EFNA5: variants seen among roughly 807,000 people sequenced by gnomAD.
EFNA5 encodes ephrin-A5.
Under a neutral mutation model 22.9 loss-of-function variants are expected in EFNA5, and 5 were observed. The observed-to-expected ratio is 0.22, with a 90% CI of 0.11 to 0.46. EFNA5 has a LOEUF of 0.46. EFNA5 is among the 20% of genes least tolerant of loss of function. EFNA5 has a pLI of 0.99. For synonymous variants in EFNA5, 113 were observed against 112.2 expected (o/e 1.01, Z -0.04); for missense variants, 237 against 293.3 (o/e 0.81, Z 1.40).
At chr5:107,466,130 A>G (rs1749973780) in intron 1 of EFNA5, among the ~76,000 whole-genome samples, 1 of 152,142 alleles carries the variant, frequency 6.6e-6, no homozygotes, top group Non-Finnish European at 1.5e-5. Flanking sequence ...TTGATTCCAA[A>G]GACGGTGCTC....
At chr5:107,585,416 G>A (rs573200528) in intron 1 of EFNA5, among the ~76,000 whole-genome samples, 1 of 152,300 alleles carries the variant, frequency 6.6e-6, no homozygotes, top group East Asian at 1.9e-4. Flanking sequence ...AAGGCAAGCA[G>A]GAAAGCAGTT....
intron 1 of EFNA5, among the ~76,000 whole-genome samples, chr5:107,547,628 T>A (rs1230793761): frequency 6.6e-6 from 1 of 152,180 alleles, no homozygotes; most frequent in Non-Finnish European, 1.5e-5. Context: ...TTTCTTTGAG[T>A]TGGCTGCAGA....
chr5:107,626,735 A>C (rs1561453325), intron 1 of EFNA5, among the ~76,000 whole-genome samples: 1 of 152,240 alleles, frequency 6.6e-6, no homozygotes, highest in Non-Finnish European at 1.5e-5. Context: ...TTTCTTTATT[A>C]AACTCTGACT....
chr5:107,586,283 C>T (rs1447738432), intron 1 of EFNA5, among the ~76,000 whole-genome samples: 1 of 152,080 alleles, frequency 6.6e-6, no homozygotes, highest in Non-Finnish European at 1.5e-5. Flanking sequence ...ATCTAGATCT[C>T]AGGAAAAGTA....
intron 1 of EFNA5, among the ~76,000 whole-genome samples, chr5:107,567,003 T>A (rs138516276): frequency 1.5e-3 from 222 of 152,352 alleles, no homozygotes; most frequent in African/African-American, 4.6e-3. Context: ...ATTTGATAAG[T>A]TAATATTTAC....
At chr5:107,548,614 C>T (rs934438271) in intron 1 of EFNA5, among the ~76,000 whole-genome samples, 2 of 152,170 alleles carry the variant, frequency 1.3e-5, no homozygotes, top group Non-Finnish European at 2.9e-5. Flanking sequence ...TAACACAGCA[C>T]TGAAATGTAC....
At chr5:107,613,452 G>A (rs188380123) in intron 1 of EFNA5, among the ~76,000 whole-genome samples, 23 of 152,032 alleles carry the variant, frequency 1.5e-4, no homozygotes, top group African/African-American at 4.3e-4. Flanking sequence ...CCAAAACCCC[G>A]TTAAAAACTG....
At position 107,380,910 on chromosome 5, in the gene EFNA5, C is replaced by T. The variant is rs1197268778; in HGVS notation, c.*345G>A. 3 of 437,190 alleles carry T rather than the reference C, an allele frequency of 6.9e-6. No individual in the cohort carries two copies. The highest frequency in any genetic ancestry group is 3.2e-5 in the East Asian group (1 of 31,174). 27.1% of individuals were successfully genotyped at this position (437,190 alleles called of 1,614,324 possible). ...GTCCATAGCCCGCTGACACAGTGCG[C>T]TAACGGAGGTGAGTTCTTAGAGGAG... On this transcript the variant is annotated 3_prime_UTR_variant, in exon 5 of 5. Coordinates refer to ENST00000333274, the MANE Select transcript of EFNA5 (RefSeq NM_001962.3).
chr5:107,554,619 T>C (rs1055450596), intron 1 of EFNA5, among the ~76,000 whole-genome samples: 2 of 152,178 alleles, frequency 1.3e-5, no homozygotes, highest in African/African-American at 4.8e-5. Context: ...AAGAAACTAA[T>C]TGATAGGCAA....
At chr5:107,445,927 T>C (rs1411948931) in intron 1 of EFNA5, among the ~76,000 whole-genome samples, 1 of 152,198 alleles carries the variant, frequency 6.6e-6, no homozygotes, top group Admixed American at 6.5e-5. Context: ...TCAGACTTTA[T>C]AGACATCCAT....
At chr5:107,430,249 A>G (rs1748912766) in intron 1 of EFNA5, among the ~76,000 whole-genome samples, 1 of 152,198 alleles carries the variant, frequency 6.6e-6, no homozygotes, top group African/African-American at 2.4e-5. Flanking sequence ...AGTTCAGATA[A>G]AAGGGTGCTG....
At chr5:107,575,841 C>T (rs1748917473) in intron 1 of EFNA5, among the ~76,000 whole-genome samples, 1 of 152,096 alleles carries the variant, frequency 6.6e-6, no homozygotes, top group African/African-American at 2.4e-5. Context: ...CTAGCAGTTT[C>T]CAAAATCATT....
intron 1 of EFNA5, among the ~76,000 whole-genome samples, chr5:107,658,007 A>G (rs1434031330): frequency 6.6e-6 from 1 of 152,176 alleles, no homozygotes; most frequent in East Asian, 1.9e-4. Flanking sequence ...TATATTACCT[A>G]GACTCTACAG....
At chr5:107,505,452 G>T (rs1747233057) in intron 1 of EFNA5, among the ~76,000 whole-genome samples, 1 of 152,180 alleles carries the variant, frequency 6.6e-6, no homozygotes, top group South Asian at 2.1e-4. Flanking sequence ...AATCTGGACA[G>T]CTGGAAATCA....
chr5:107,647,082 T>C (rs1750644526), intron 1 of EFNA5, among the ~76,000 whole-genome samples: 1 of 152,146 alleles, frequency 6.6e-6, no homozygotes, highest in African/African-American at 2.4e-5. Context: ...TGTGATGTTA[T>C]CACCCTGACA....
intron 1 of EFNA5, among the ~76,000 whole-genome samples, chr5:107,528,520 C>T (rs1747744533): frequency 6.6e-6 from 1 of 152,096 alleles, no homozygotes; most frequent in Non-Finnish European, 1.5e-5. Context: ...TAAACCATGA[C>T]AGTCTTATAT....
chr5:107,595,688 T>C (rs956014901), intron 1 of EFNA5, among the ~76,000 whole-genome samples: 4 of 152,186 alleles, frequency 2.6e-5, no homozygotes, highest in Admixed American at 2.0e-4. Context: ...TTCCCCTCAG[T>C]GTCCACAAGG....
chr5:107,655,075 G>A (rs1032433620), intron 1 of EFNA5, among the ~76,000 whole-genome samples: 1 of 150,772 alleles, frequency 6.6e-6, no homozygotes, highest in Non-Finnish European at 1.5e-5. Flanking sequence ...TTCTTTAACT[G>A]ATGTACAAGA....
chr5:107,540,347 C>T (rs1748018602), intron 1 of EFNA5, among the ~76,000 whole-genome samples: 1 of 152,090 alleles, frequency 6.6e-6, no homozygotes, highest in Admixed American at 6.6e-5. Flanking sequence ...TTTGCTACGG[C>T]TGTAAAAGAA....
Sources: allele counts gnomAD v4.1 joint callset (sites outside exome capture counted in the v4.1 genomes callset), GRCh38; gene constraint gnomAD v4.1.1; transcripts MANE v1.5; gene names NCBI Gene and HGNC (gene_info 2026-07-23, HGNC 2026-07-21).